Variants in ZNF540 observed in about 807,000 individuals in gnomAD.
The protein encoded by ZNF540 is zinc finger protein 540, also known as CTD-3064H18.6.
Under a neutral mutation model 11.8 loss-of-function variants are expected in ZNF540, and 3 were observed. The ratio of observed to expected loss-of-function variants is 0.25; its 90% CI spans 0.12 to 0.65. The LOEUF is 0.65. Among genes scored for constraint, ZNF540 ranks in the 30% least tolerant of loss-of-function variants. ZNF540 has a pLI of 0.83. For missense variants in ZNF540, 709 were observed against 793.1 expected, an observed-to-expected ratio of 0.89 and a Z score of 1.27; for synonymous variants, 247 against 259.0, an observed-to-expected ratio of 0.95 and a Z score of 0.45.
chr19:37,584,026 C>T lies in ZNF540; in HGVS notation c.-72-14350C>T, dbSNP rs770687932. On this transcript the variant is annotated intron_variant, in intron 1 of 4. Coordinates refer to the ZNF540 transcript ENST00000592533. ...ACATCACATCCCTGTACAAGTCCCTCTGAGCAGGGTCCAGGCATTCCCATT... is the reference window on the plus strand; with the variant it reads ...ACATCACATCCCTGTACAAGTCCCTTTGAGCAGGGTCCAGGCATTCCCATT... The T allele has an allele frequency of 2.5e-6, 4 of 1,613,970 alleles. No individual in the cohort carries two copies. The African/African-American group carries it at 5.3e-5, about 22-fold the overall frequency.
Position 37,613,423 on chromosome 19 carries a change from CA to C in ZNF540, c.*161del. ...TTCTCATTAAATTTAGGAAAATTCA[CA>C]CTAGAAAATAAAGCTGTTAATGTAA... On this transcript the variant is annotated 3_prime_UTR_variant, in exon 5 of 5. Coordinates refer to ENST00000316433, the MANE Select transcript of ZNF540 (RefSeq NM_001172225.3). The C allele has an allele frequency of 1.9e-6, 1 of 517,698 alleles. No individual in the cohort carries two copies. The highest frequency in any genetic ancestry group is 3.2e-6 in the Non-Finnish European group (1 of 316,114). The allele number at this position is 517,698 out of a possible 1,614,324, so 32.1% of individuals were successfully genotyped here. A position where few individuals can be genotyped will look rare whatever the true frequency, so the allele number is the denominator to read the frequency against.
chr19:37,563,712 C>CAT (rs1314009791), intron 1 of ZNF540: 1 of 144,148 alleles, frequency 6.9e-6, no homozygotes, highest in Non-Finnish European at 1.5e-5. Flanking sequence ...GGAATATATA[C>CAT]ATGTGGAATA....
intron 4 of ZNF540, among the ~76,000 whole-genome samples, chr19:37,606,648 T>C (rs868392288): frequency 3.3e-5 from 5 of 152,308 alleles, no homozygotes; most frequent in Admixed American, 3.3e-4. Context: ...CTAATTGTGG[T>C]TGATGTTGAG....
In ZNF540 at chr19:37,598,434, G is replaced by T. The variant is rs1217882080; in HGVS notation, c.-14G>T. The T allele has an allele frequency of 3.1e-6, 5 of 1,613,774 alleles. No homozygotes were observed. The Admixed American group carries it at 6.7e-5, about 22-fold the overall frequency. On this transcript the variant is annotated 5_prime_UTR_variant, in exon 2 of 5. Transcript: ENST00000316433. ...TCCTGCGGAAGACTGAGCAGTTCTT[G>T]TGAGTGTAAAACCATGGCCCATGTA...
intron 1 of ZNF540, chr19:37,555,520 T>C (rs1600438677): frequency 4.9e-6 from 1 of 204,124 alleles, no homozygotes; most frequent in East Asian, 1.3e-4. Context: ...GGGTTCCAGT[T>C]GAACATGCTT....
intron 1 of ZNF540, among the ~76,000 whole-genome samples, chr19:37,579,831 T>C (rs999128251): frequency 2.6e-5 from 4 of 152,222 alleles, no homozygotes; most frequent in Non-Finnish European, 4.4e-5. Flanking sequence ...TAATATACTT[T>C]TTTTGATCCA....
intron 4 of ZNF540, among the ~76,000 whole-genome samples, chr19:37,607,254 A>G (rs902958335): frequency 6.6e-6 from 1 of 152,130 alleles, no homozygotes; most frequent in East Asian, 1.9e-4. Context: ...CACCCTCCCC[A>G]ACTACCAACA....
At chr19:37,556,233 G>A (rs895365259) in intron 1 of ZNF540, 1 of 642,954 alleles carries the variant, frequency 1.6e-6, no homozygotes, top group African/African-American at 1.8e-5. Flanking sequence ...AGTGGTGTTT[G>A]CAAATACACA....
chr19:37,580,012 T>A (rs2043393533), intron 1 of ZNF540, among the ~76,000 whole-genome samples: 1 of 152,198 alleles, frequency 6.6e-6, no homozygotes, highest in Non-Finnish European at 1.5e-5. Context: ...ACCCATAATA[T>A]CAATTTAGCT....
intron 1 of ZNF540, chr19:37,586,001 A>T (rs1485967935): frequency 6.6e-6 from 1 of 152,272 alleles, no homozygotes; most frequent in Admixed American, 6.5e-5. Flanking sequence ...CAGATTCTCC[A>T]GTCCTCTAGA....
chr19:37,580,833 G>A (rs2043430661), intron 1 of ZNF540, among the ~76,000 whole-genome samples: 1 of 152,180 alleles, frequency 6.6e-6, no homozygotes, highest in Non-Finnish European at 1.5e-5. Context: ...CATGCTTCTT[G>A]TACAACCTGC....
At position 37,611,505 on chromosome 19, in the gene ZNF540, T is replaced by C; in HGVS notation, c.233-8T>C. The C allele has an allele frequency of 6.4e-7, 1 of 1,559,084 alleles. No individual in the cohort carries two copies. Among genetic ancestry groups the C allele is most frequent in the Non-Finnish European group, 8.6e-7 (1 of 1,157,710 alleles). On this transcript the variant is annotated splice_region_variant and splice_polypyrimidine_tract_variant and intron_variant, in intron 4 of 4. Coordinates refer to ENST00000316433, the MANE Select transcript of ZNF540 (RefSeq NM_001172225.3). ...ATAATTTTTGTTTGCTTTTATGTTT[T>C]CTTTCAGGTTTGTTATCCAGGCATA...
intron 4 of ZNF540, among the ~76,000 whole-genome samples, chr19:37,605,876 A>C (rs2044081685): frequency 6.6e-6 from 1 of 152,174 alleles, no homozygotes; most frequent in Admixed American, 6.5e-5. Context: ...CCTTTGGTAA[A>C]AAGTGTCTGT....
At position 37,568,731 on chromosome 19, in the gene ZNF540, CT is replaced by C. The variant is rs761923886; in HGVS notation, c.-73+17071del. On this transcript the variant is annotated intron_variant, in intron 1 of 4. Transcript: ENST00000592533. ...AAATGTATTCAATTAAGTAGCAGCT[CT>C]TTTTATTGTCATTAAATTAATGAAA... Among the ~76,000 whole-genome samples, 6 of 152,054 alleles carry C rather than the reference CT, an allele frequency of 3.9e-5. No homozygotes were observed. In the East Asian group the frequency reaches 9.7e-4, roughly 24 times the overall value.
In ZNF540 at chr19:37,569,371, T is replaced by C. The variant is rs2042979897; in HGVS notation, c.-73+17706T>C. On this transcript the variant is annotated intron_variant, in intron 1 of 4. Transcript: ENST00000592533. This position sits in a 1 kb window ranked among gnomAD's most constrained non-coding sequence, Gnocchi z 4.4. Reference sequence around the variant, plus strand: ...ATATGAAAATCACATTATGTCACCATCTTAAGATTTTTCAATAGCCTGCAA... The same window carrying C: ...ATATGAAAATCACATTATGTCACCACCTTAAGATTTTTCAATAGCCTGCAA... 6.6e-6 allele frequency among the ~76,000 whole-genome samples: 1 copy of C among 152,164 alleles called. No individual in the cohort carries two copies. The highest frequency in any genetic ancestry group is 6.6e-5 in the Admixed American group (1 of 15,264).
chr19:37,589,864 CAAAA>C (rs60136941), upstream of ZNF540, among the ~76,000 whole-genome samples: 3 of 29,588 alleles, frequency 1.0e-4, no homozygotes, highest in African/African-American at 1.5e-4. Flanking sequence ...GACTCCATCT[CAAAA>C]AAAAAAAAAA....
chr19:37,568,325 C>CT (rs2042936417), intron 1 of ZNF540, among the ~76,000 whole-genome samples: 1 of 150,786 alleles, frequency 6.6e-6, no homozygotes, highest in Non-Finnish European at 1.5e-5. Context: ...CTACCCCCCC[C>CT]CACTTGCCAT....
In ZNF540 at chr19:37,566,171, A is replaced by G. The variant is rs747766570; in HGVS notation, c.-73+14506A>G. On this transcript the variant is annotated intron_variant, in intron 1 of 4. Coordinates refer to the ZNF540 transcript ENST00000592533. ...GCCTTTGCACTCCATATTGTCTCCA[A>G]GACCATTGTATTGAAGGTGATGGTT... is the stretch of plus-strand genomic sequence containing the variant. 8 of 1,613,910 alleles carry G rather than the reference A, an allele frequency of 5.0e-6. No homozygotes were observed. In the African/African-American group the frequency reaches 8.0e-5, roughly 16 times the overall value.
At chr19:37,564,725 C>T in intron 1 of ZNF540, 1 of 1,613,572 alleles carries the variant, frequency 6.2e-7, no homozygotes, top group Non-Finnish European at 8.5e-7. Flanking sequence ...TGAGCCACGA[C>T]TAAAGGCCCT....
Sources: gnomAD v4.1 joint callset for allele counts (sites outside exome capture counted in the v4.1 genomes callset) on GRCh38, gnomAD v4.1.1 for gene constraint, Gnocchi (gnomAD v3.1) non-coding constraint, MANE v1.5 for transcripts, NCBI Gene and HGNC (gene_info 2026-07-23, HGNC 2026-07-21) for gene names.